The following MMP15 variants were observed in gnomAD, a reference collection of about 807,000 sequenced individuals.
MMP15 encodes matrix metalloproteinase-15.
In MMP15, 36 loss-of-function variants were observed where a neutral mutation model predicts 65.0. The observed-to-expected ratio is 0.55, with a 90% confidence interval of 0.42 to 0.73. The LOEUF (loss-of-function observed/expected upper bound fraction) is 0.73. MMP15 is among the 30% of genes least tolerant of loss of function. The probability of loss-of-function intolerance (pLI) is 0.00; values close to 1 mark genes in which losing one functional copy is unlikely to be tolerated. For missense variants in MMP15, 870 were observed against 987.8 expected, an observed-to-expected ratio of 0.88 and a Z score of 1.60; for synonymous variants, 428 against 410.2, an observed-to-expected ratio of 1.04 and a Z score of -0.52.
At chr16:58,040,833 C>A (rs568413351) in intron 5 of MMP15, 135 bp downstream of exon 5, 1 of 1,296,168 alleles carries the variant, frequency 7.7e-7, no homozygotes, top group Admixed American at 1.8e-5. Flanking sequence ...TTGCCCACAT[C>A]ATTTGGGGAA....
In MMP15 at chr16:58,045,371, G is replaced by A. The variant is rs149268908; in HGVS notation, c.1935G>A (p.Ala645=). The A allele has an allele frequency of 1.3e-5, 20 of 1,595,154 alleles. No individual in the cohort carries two copies. Among genetic ancestry groups the A allele is most frequent in the Middle Eastern group, 2.1e-4 (1 of 4,800 alleles). ...TCTGCGTCCTGGGCCTCACCTACGCGCTGGTGCAGATGCAGCGCAAGGGTG... is the reference window on the plus strand; with the variant it reads ...TCTGCGTCCTGGGCCTCACCTACGCACTGGTGCAGATGCAGCGCAAGGGTG... ...LLLCVLGLTY[A]LVQMQRKGAP... is the part of the protein sequence containing the mutation. Residue 645 remains alanine, a synonymous_variant, in exon 10 of 10, where the codon GCG becomes GCA. Coordinates refer to ENST00000219271, the MANE Select transcript of MMP15 (RefSeq NM_002428.4).
At chr16:58,032,592 C>T (rs1385555815) in intron 1 of MMP15, among the ~76,000 whole-genome samples, 3 of 152,252 alleles carry the variant, frequency 2.0e-5, no homozygotes, top group African/African-American at 7.2e-5. Flanking sequence ...CAGGTGGGCC[C>T]TGTGGGCCTG....
At chr16:58,037,869 G>A (rs1959367811) in intron 2 of MMP15, among the ~76,000 whole-genome samples, 1 of 152,222 alleles carries the variant, frequency 6.6e-6, no homozygotes, top group South Asian at 2.1e-4. Flanking sequence ...TGTCTGACAT[G>A]GCCAGGGGAG....
rs539231649 is a variant in MMP15 at position 58,026,061 on chromosome 16, C to T, written c.-290C>T. 4.0e-5 allele frequency: 12 copies of T among 302,206 alleles called. No homozygotes were observed. The highest frequency in any genetic ancestry group is 6.7e-5 in the Non-Finnish European group (11 of 164,972). 18.7% of individuals were successfully genotyped at this position (302,206 alleles called of 1,614,324 possible). ...CAAAGGCTCCGGAGTTGCGCTTGCT[C>T]TCGGGAGCCGGGCCCCAGGCGCTGG... On this transcript the variant is annotated 5_prime_UTR_variant, in exon 1 of 10. Coordinates refer to ENST00000219271, the MANE Select transcript of MMP15 (RefSeq NM_002428.4).
chr16:58,026,552 C>T (rs1389029913), intron 1 of MMP15, 40 bp downstream of exon 1: 16 of 1,289,058 alleles, frequency 1.2e-5, no homozygotes, highest in Non-Finnish European at 1.6e-5. Context: ...GGGCTGGGGG[C>T]TTGGAGGGAG....
rs536757737 is a variant in MMP15, at chr16:58,045,280, T to C, written c.1844T>C (p.Val615Ala). 5 of 1,610,780 alleles carry C rather than the reference T, an allele frequency of 3.1e-6. No individual in the cohort carries two copies. The East Asian group carries it at 8.9e-5, about 29-fold the overall frequency. The change falls in exon 10 of 10, where the codon GTG becomes GCG. Residue 615 changes from valine (V) to alanine (A), a missense_variant. Transcript: ENST00000219271. ...VNKDGGSRVV[V>A]QMEEVARTVN... ...AAGGACGGGGGCAGCCGCGTGGTGGTGCAGATGGAGGAGGTGGCACGGACG... is the reference window on the plus strand; with the variant it reads ...AAGGACGGGGGCAGCCGCGTGGTGGCGCAGATGGAGGAGGTGGCACGGACG...
rs570884384 is a variant in MMP15 at position 58,041,497 on chromosome 16, G to T, written c.911-120G>T. The T allele has an allele frequency of 3.7e-6, 4 of 1,079,660 alleles. No individual in the cohort carries two copies. In the South Asian group the frequency reaches 6.2e-5, roughly 17 times the overall value. The allele number at this position is 1,079,660 out of a possible 1,614,324, so 66.9% of individuals were successfully genotyped here. On this transcript the variant is annotated intron_variant, in intron 5 of 9. Transcript: ENST00000219271. Reference sequence around the variant, plus strand: ...GGATGGAGGCAGGTGTTGGGGAGGGGTCTGCTGTAGATGGACAGGATTTTA... The same window carrying T: ...GGATGGAGGCAGGTGTTGGGGAGGGTTCTGCTGTAGATGGACAGGATTTTA...
chr16:58,041,901 A>G (rs776920981), intron 6 of MMP15, 31 bp downstream of exon 6: 1 of 1,543,494 alleles, frequency 6.5e-7, no homozygotes, highest in Admixed American at 2.0e-5. Flanking sequence ...CCTGGCCCTG[A>G]GCCTTTTCCC....
chr16:58,042,570 G>T (rs1959478698), intron 7 of MMP15, among the ~76,000 whole-genome samples: 1 of 152,204 alleles, frequency 6.6e-6, no homozygotes, highest in African/African-American at 2.4e-5. Flanking sequence ...GGTTGGACCT[G>T]CAACCCGGAA....
chr16:58,028,414 G>A (rs1032298636), intron 1 of MMP15, among the ~76,000 whole-genome samples: 3 of 152,184 alleles, frequency 2.0e-5, no homozygotes, highest in Admixed American at 2.0e-4. Context: ...GCAGATAGAG[G>A]GCTAGAGACA....
intron 1 of MMP15, among the ~76,000 whole-genome samples, chr16:58,035,583 A>G (rs1328740590): frequency 6.6e-6 from 1 of 152,200 alleles, no homozygotes; most frequent in Non-Finnish European, 1.5e-5. Flanking sequence ...CCTCACAGGA[A>G]CCCAGGAGAT....
chr16:58,043,009 G>A (rs916059399), intron 7 of MMP15, among the ~76,000 whole-genome samples: 11 of 152,126 alleles, frequency 7.2e-5, no homozygotes, highest in African/African-American at 2.7e-4. Flanking sequence ...GGTGTGAGCG[G>A]GTGACTCTTG....
chr16:58,044,971 C>T (rs1959524250), intron 9 of MMP15, 36 bp from the exon 10 acceptor site: 2 of 1,611,370 alleles, frequency 1.2e-6, no homozygotes, highest in East Asian at 2.2e-5. Context: ...TGGTTCGGCT[C>T]AACCTGAAGC....
rs1010362649 is a variant in MMP15 at position 58,041,862 on chromosome 16, G to A, written c.1156G>A (p.Val386Met). The change falls in exon 6 of 10, where the codon GTG becomes ATG. Residue 386 changes from valine to methionine, a missense_variant. By Grantham distance (21) the Val-to-Met change is conservative. Transcript: ENST00000219271. ...GGCCATGCTTCGCGGGGAGATGTTC[G>A]TGTTCAAGGTCTGGCCCCGCCTCCC... ...TVAMLRGEMF[V>M]FKGRWFWRVR... 9 of 1,588,334 alleles carry A rather than the reference G, an allele frequency of 5.7e-6. No individual in the cohort carries two copies. The highest frequency in any genetic ancestry group is 2.2e-5 in the East Asian group (1 of 44,672).
Position 58,045,402 on chromosome 16 carries a change from C to G in MMP15, c.1966C>G (p.Arg656Gly), listed in dbSNP as rs746501918. 6.4e-7 allele frequency: 1 copy of G among 1,573,594 alleles called. No individual in the cohort carries two copies. The highest frequency in any genetic ancestry group is 8.6e-7 in the Non-Finnish European group (1 of 1,161,558). The change falls in exon 10 of 10, where the codon CGT (arginine) becomes GGT (glycine). Residue 656 changes from arginine to glycine, a missense_variant. Physicochemically the swap from Arg to Gly is moderately radical, Grantham distance 125. Coordinates refer to ENST00000219271, the MANE Select transcript of MMP15 (RefSeq NM_002428.4). The part of the protein sequence containing the change: ...LVQMQRKGAP[R>G]VLLYCKRSLQ... ...GCAGATGCAGCGCAAGGGTGCGCCA[C>G]GTGTCCTGCTTTACTGCAAGCGCTC...
At position 58,045,139 on chromosome 16, in the gene MMP15, G is replaced by A. The variant is rs745546321; in HGVS notation, c.1703G>A (p.Arg568Gln). The change falls in exon 10 of 10, where the codon CGA (arginine) becomes CAA (glutamine). Residue 568 changes from arginine to glutamine, a missense_variant. Coordinates refer to ENST00000219271, the MANE Select transcript of MMP15 (RefSeq NM_002428.4). ...CAGGAGCACGTGGAGCCAGGCCCCC[G>A]ATGGCCCGACGTGGCCCGGCCGCCC... is the stretch of plus-strand genomic sequence containing the variant. ...GCQEHVEPGPRWPDVARPPFN... is the reference protein window; with the variant it reads ...GCQEHVEPGPQWPDVARPPFN... The A allele has an allele frequency of 2.1e-5, 34 of 1,602,880 alleles. No individual in the cohort carries two copies. The highest frequency in any genetic ancestry group is 6.8e-5 in the East Asian group (3 of 44,300).
chr16:58,041,788 G>C lies in MMP15; in HGVS notation c.1082G>C (p.Arg361Pro), dbSNP rs376327026. The change falls in exon 6 of 10, where the codon CGG becomes CCG. Residue 361 changes from arginine (R) to proline (P), a missense_variant. Arg to Pro is a moderately radical substitution (Grantham distance 103). Coordinates refer to ENST00000219271, the MANE Select transcript of MMP15 (RefSeq NM_002428.4). ...CCAGTCCAGCCCCGAGCCACAGAGC[G>C]GCCCGACCAGTATGGCCCCAACATC... Reference protein sequence around the residue: ...GPPVQPRATERPDQYGPNICD... With the variant: ...GPPVQPRATEPPDQYGPNICD... The C allele has an allele frequency of 1.6e-5, 26 of 1,611,646 alleles. No homozygotes were observed. Among genetic ancestry groups the C allele is most frequent in the Admixed American group, 3.3e-5 (2 of 59,752 alleles).
chr16:58,041,535 G>A (rs1465846192), intron 5 of MMP15, 82 bp from the exon 6 acceptor site: 31 of 1,457,604 alleles, frequency 2.1e-5, no homozygotes, highest in Non-Finnish European at 2.6e-5. Context: ...TTCCGCGTGG[G>A]TGGGCCTGTG....
rs2142331130 is a variant in MMP15 at position 58,042,446 on chromosome 16, G to A, written c.1303+77G>A. Reference sequence around the variant, plus strand: ...GACCCTGCTGGATCTGAGAGAAGAGGAGGTGAAGGGTTGCATTGCATGTCT... The same window carrying A: ...GACCCTGCTGGATCTGAGAGAAGAGAAGGTGAAGGGTTGCATTGCATGTCT... On this transcript the variant is annotated intron_variant, in intron 7 of 9. Transcript: ENST00000219271. 6 of 1,564,120 alleles carry A rather than the reference G, an allele frequency of 3.8e-6. No homozygotes were observed. In the East Asian group the frequency reaches 6.8e-5, roughly 18 times the overall value.
Sources: allele counts gnomAD v4.1 joint callset (sites outside exome capture counted in the v4.1 genomes callset), GRCh38; gene constraint gnomAD v4.1.1; transcripts MANE v1.5; gene names NCBI Gene and HGNC (gene_info 2026-07-23, HGNC 2026-07-21).